KCNAB1: variants seen among roughly 807,000 people sequenced by gnomAD.
KCNAB1 encodes voltage-gated potassium channel subunit beta-1.
A neutral mutation model predicts 64.6 loss-of-function variants in KCNAB1; 35 were observed. The observed-to-expected ratio is 0.54, with a 90% confidence interval of 0.41 to 0.72. The LOEUF (loss-of-function observed/expected upper bound fraction) is 0.72. Ranked by LOEUF, KCNAB1 falls within the 30% of genes least tolerant of loss-of-function variation. The pLI, the probability that KCNAB1 is intolerant of heterozygous loss-of-function variation, is 0.00. For missense variants in KCNAB1, 401 were observed against 512.9 expected (o/e 0.78, Z 2.11); for synonymous variants, 177 against 183.8 (o/e 0.96, Z 0.30).
chr3:156,381,494 C>G (rs1043860114), intron 1 of KCNAB1, among the ~76,000 whole-genome samples: 1 of 152,124 alleles, frequency 6.6e-6, no homozygotes, highest in Non-Finnish European at 1.5e-5. Flanking sequence ...GTCTCCTTGC[C>G]CACAAGCAGA....
intron 1 of KCNAB1, among the ~76,000 whole-genome samples, chr3:156,225,566 G>A (rs1307412186): frequency 6.6e-6 from 1 of 152,134 alleles, no homozygotes; most frequent in Non-Finnish European, 1.5e-5. Flanking sequence ...GGTAGTCCTA[G>A]CCAGAGCAAT....
At chr3:156,118,514 CA>C (rs1713177241), upstream of KCNAB1, among the ~76,000 whole-genome samples, 1 of 152,172 alleles carries the variant, frequency 6.6e-6, no homozygotes, top group South Asian at 2.1e-4. Context: ...CTCTCAATGA[CA>C]GGAGTGTCAA....
intron 1 of KCNAB1, among the ~76,000 whole-genome samples, chr3:156,373,349 C>G (rs374957319): frequency 6.6e-6 from 1 of 152,182 alleles, no homozygotes; most frequent in East Asian, 1.9e-4. Context: ...TTTAATCACT[C>G]TTATTGCAGC....
At chr3:156,355,201 T>A (rs1305357256) in intron 1 of KCNAB1, among the ~76,000 whole-genome samples, 1 of 152,350 alleles carries the variant, frequency 6.6e-6, no homozygotes, top group East Asian at 1.9e-4. Flanking sequence ...TGTACCATCA[T>A]TTTTACAGAA....
intron 2 of KCNAB1, among the ~76,000 whole-genome samples, 161 bp downstream of exon 2, chr3:156,421,820 C>G (rs1195154345): frequency 5.9e-5 from 9 of 152,106 alleles, no homozygotes; most frequent in Non-Finnish European, 1.5e-5. Flanking sequence ...CTCTTCCCAT[C>G]ATGACCCTCT....
At chr3:156,498,886 G>A (rs575531577) in intron 8 of KCNAB1, among the ~76,000 whole-genome samples, 1 of 152,302 alleles carries the variant, frequency 6.6e-6, no homozygotes, top group South Asian at 2.1e-4. Context: ...TGTAACAGGG[G>A]ATAAGCATGG....
At chr3:156,221,233 G>GT (rs1715710666) in intron 1 of KCNAB1, among the ~76,000 whole-genome samples, 1 of 152,180 alleles carries the variant, frequency 6.6e-6, no homozygotes, top group Non-Finnish European at 1.5e-5. Flanking sequence ...CTTTAAAGTA[G>GT]TTTTTTCCAA....
At chr3:156,448,911 G>A (rs1711788628) in intron 2 of KCNAB1, among the ~76,000 whole-genome samples, 1 of 152,062 alleles carries the variant, frequency 6.6e-6, no homozygotes, top group Non-Finnish European at 1.5e-5. Flanking sequence ...CTATTCTAGG[G>A]CTGTGGAGAT....
chr3:156,438,294 C>A (rs141585793), intron 2 of KCNAB1, among the ~76,000 whole-genome samples: 1 of 152,224 alleles, frequency 6.6e-6, no homozygotes, highest in Non-Finnish European at 1.5e-5. Context: ...GAGAGCAGGG[C>A]AGATGCCACT....
At chr3:156,269,505 G>C (rs898588464) in intron 1 of KCNAB1, among the ~76,000 whole-genome samples, 2 of 152,118 alleles carry the variant, frequency 1.3e-5, no homozygotes, top group African/African-American at 4.8e-5. Flanking sequence ...TAACTATTAG[G>C]TACACTTGAC....
At chr3:156,257,314 TG>T in intron 1 of KCNAB1, among the ~76,000 whole-genome samples, 1 of 152,316 alleles carries the variant, frequency 6.6e-6, no homozygotes. Flanking sequence ...ACAAAATTCA[TG>T]GGGCTTTCTG....
At chr3:156,445,719 C>T (rs1711508034) in intron 2 of KCNAB1, among the ~76,000 whole-genome samples, 1 of 152,180 alleles carries the variant, frequency 6.6e-6, no homozygotes, top group Non-Finnish European at 1.5e-5. Flanking sequence ...TAAACTTAGT[C>T]CCTGATCTCA....
intron 1 of KCNAB1, among the ~76,000 whole-genome samples, chr3:156,145,542 T>C (rs1468610934): frequency 6.6e-6 from 1 of 152,176 alleles, no homozygotes; most frequent in Non-Finnish European, 1.5e-5. Flanking sequence ...TTTCATATTC[T>C]TACTTCTTTA....
chr3:156,256,400 C>G (rs1718103634), intron 1 of KCNAB1, among the ~76,000 whole-genome samples: 2 of 152,224 alleles, frequency 1.3e-5, no homozygotes, highest in African/African-American at 4.8e-5. Flanking sequence ...TGTGGCCCAG[C>G]ATTTATGGCT....
At chr3:156,477,365 G>T (rs1031238950) in intron 8 of KCNAB1, among the ~76,000 whole-genome samples, 1 of 152,122 alleles carries the variant, frequency 6.6e-6, no homozygotes, top group Non-Finnish European at 1.5e-5. Context: ...GCATAATGAA[G>T]GGTGTCAAAC....
chr3:156,352,835 T>G (rs1357655771), intron 1 of KCNAB1, among the ~76,000 whole-genome samples: 2 of 152,242 alleles, frequency 1.3e-5, no homozygotes, highest in African/African-American at 4.8e-5. Flanking sequence ...TCCTGCTGCC[T>G]GCCCTGTTTC....
intron 1 of KCNAB1, among the ~76,000 whole-genome samples, chr3:156,245,613 G>A (rs1717409968): frequency 6.6e-6 from 1 of 152,098 alleles, no homozygotes; most frequent in Admixed American, 6.5e-5. Flanking sequence ...TATAATATTT[G>A]AAACATGGAA....
chr3:156,448,424 A>C (rs1343695226), intron 2 of KCNAB1, among the ~76,000 whole-genome samples: 1 of 152,196 alleles, frequency 6.6e-6, no homozygotes, highest in Non-Finnish European at 1.5e-5. Context: ...GTGGAAAATA[A>C]AATCATAGAA....
chr3:156,351,697 G>T (rs191373741), intron 1 of KCNAB1, among the ~76,000 whole-genome samples: 1 of 152,292 alleles, frequency 6.6e-6, no homozygotes, highest in African/African-American at 2.4e-5. Flanking sequence ...CTTGAGATGG[G>T]TAAGAGTCTT....
Sources: allele counts gnomAD v4.1 joint callset (sites outside exome capture counted in the v4.1 genomes callset), GRCh38; gene constraint gnomAD v4.1.1; transcripts MANE v1.5; gene names NCBI Gene and HGNC (gene_info 2026-07-23, HGNC 2026-07-21).